KCNH8: variants seen among roughly 807,000 people sequenced by gnomAD.
KCNH8 encodes voltage-gated delayed rectifier potassium channel KCNH8.
KCNH8 carries 70 observed loss-of-function variants against 103.6 expected under a neutral mutation model. The ratio of observed to expected loss-of-function variants is 0.68; its 90% confidence interval spans 0.56 to 0.82. KCNH8 has a LOEUF of 0.82. Among genes scored for constraint, KCNH8 ranks in the 40% least tolerant of loss-of-function variants. KCNH8 has a pLI of 0.00. For synonymous variants in KCNH8, 498 were observed against 489.4 expected (o/e 1.02, Z -0.23); for missense variants, 1,217 against 1,329.9 (o/e 0.92, Z 1.32).
intron 7 of KCNH8, among the ~76,000 whole-genome samples, chr3:19,416,666 A>G (rs1380998610): frequency 1.3e-5 from 2 of 152,152 alleles, no homozygotes; most frequent in Non-Finnish European, 2.9e-5. Flanking sequence ...GAAAATATAC[A>G]GAATTTTGGT....
At chr3:19,521,126 C>T (rs983047011) in intron 15 of KCNH8, among the ~76,000 whole-genome samples, 11 of 151,936 alleles carry the variant, frequency 7.2e-5, no homozygotes, top group Non-Finnish European at 1.5e-4. Flanking sequence ...AAATGCTCCA[C>T]TTCTGAAAAG....
intron 3 of KCNH8, among the ~76,000 whole-genome samples, chr3:19,299,541 C>G (rs1270663443): frequency 6.6e-6 from 1 of 152,016 alleles, no homozygotes; most frequent in Non-Finnish European, 1.5e-5. Flanking sequence ...ATTTTCATTT[C>G]CAAATTAGAG....
intron 14 of KCNH8, among the ~76,000 whole-genome samples, chr3:19,516,271 T>A (rs1308094876): frequency 6.6e-6 from 1 of 152,064 alleles, no homozygotes; most frequent in East Asian, 1.9e-4. Context: ...AAGAAAGACA[T>A]TTGAATATAC....
At chr3:19,337,161 C>T (rs996390269) in intron 3 of KCNH8, among the ~76,000 whole-genome samples, 2 of 152,038 alleles carry the variant, frequency 1.3e-5, no homozygotes, top group African/African-American at 4.8e-5. Flanking sequence ...TCAGCCCTCC[C>T]ACTTACTGTG....
intron 15 of KCNH8, among the ~76,000 whole-genome samples, chr3:19,531,542 TGCCAGCAGTAGG>T (rs1208242885): frequency 2.0e-5 from 3 of 152,246 alleles, no homozygotes; most frequent in Non-Finnish European, 2.9e-5. Context: ...TTGAGTTTCA[TGCCAGCAGTAGG>T]GCAGAAATAG....
chr3:19,326,356 A>AAT (rs34714826), intron 3 of KCNH8, among the ~76,000 whole-genome samples: 14,504 of 135,518 alleles, frequency 0.11, 764 homozygotes, highest in East Asian at 0.14. Context: ...ATGAAAGTTA[A>AAT]ATATATATAT....
intron 11 of KCNH8, among the ~76,000 whole-genome samples, chr3:19,501,721 C>T (rs1040035102): frequency 6.6e-5 from 10 of 152,188 alleles, no homozygotes; most frequent in African/African-American, 2.4e-4. Flanking sequence ...TGACAAAATT[C>T]AACAACCTTC....
intron 5 of KCNH8, 139 bp from the exon 6 acceptor site, chr3:19,390,342 C>G: frequency 1.5e-6 from 1 of 649,774 alleles, no homozygotes; most frequent in South Asian, 2.0e-5. Context: ...TAATTTTCTA[C>G]GATTTTCTTC....
chr3:19,240,901 A>C (rs570614153), intron 1 of KCNH8, among the ~76,000 whole-genome samples: 72 of 152,166 alleles, frequency 4.7e-4, no homozygotes, highest in Non-Finnish European at 8.1e-4. Context: ...AGATATGACC[A>C]CTTCTCACCA....
rs571010230 is a variant in KCNH8, at chr3:19,505,954, C to T, written c.2041-4409C>T. Among the ~76,000 whole-genome samples the T allele has an allele frequency of 3.6e-3, 541 of 152,226 alleles. 2 individuals carry two copies. Among genetic ancestry groups the T allele is most frequent in the African/African-American group, 0.012 (511 of 41,538 alleles). ...GATTCTTTCCTCAGCTTGGTTTATT[C>T]TGCTCTTAATAATTGAGGTTGCATT... On this transcript the variant is annotated intron_variant, in intron 11 of 15. Coordinates refer to ENST00000328405, the MANE Select transcript of KCNH8 (RefSeq NM_144633.3).
At chr3:19,331,741 A>G (rs556093758) in intron 3 of KCNH8, among the ~76,000 whole-genome samples, 4 of 152,328 alleles carry the variant, frequency 2.6e-5, no homozygotes, top group South Asian at 2.1e-4. Context: ...TTGTGTTACA[A>G]ACATTCCAAT....
intron 7 of KCNH8, among the ~76,000 whole-genome samples, chr3:19,434,113 G>A (rs2067161769): frequency 1.3e-5 from 2 of 152,162 alleles, no homozygotes; most frequent in Admixed American, 6.5e-5. Context: ...GAACTTTTGT[G>A]TAAATCTAAA....
At chr3:19,239,220 ATAT>A (rs1293023046) in intron 1 of KCNH8, among the ~76,000 whole-genome samples, 2 of 152,092 alleles carry the variant, frequency 1.3e-5, no homozygotes, top group Admixed American at 1.3e-4. Context: ...CTATTAAATG[ATAT>A]TATCAAAAAT....
At chr3:19,346,978 A>G (rs1458778400) in intron 4 of KCNH8, among the ~76,000 whole-genome samples, 2 of 152,046 alleles carry the variant, frequency 1.3e-5, no homozygotes, top group Non-Finnish European at 2.9e-5. Context: ...GCAGTTATCA[A>G]AAACTCCAGC....
In KCNH8 at chr3:19,238,533, T is replaced by C. The variant is rs777328022; in HGVS notation, c.77-15121T>C. Reference sequence around the variant, plus strand: ...ATTTATTTGCATAGAATAATAACTTTTTATGATTTAATAACCGCATGCTGA... The same window carrying C: ...ATTTATTTGCATAGAATAATAACTTCTTATGATTTAATAACCGCATGCTGA... On this transcript the variant is annotated intron_variant, in intron 1 of 15. Coordinates refer to ENST00000328405, the MANE Select transcript of KCNH8 (RefSeq NM_144633.3). 1.7e-4 allele frequency among the ~76,000 whole-genome samples: 26 copies of C among 152,226 alleles called. 1 individual carries two copies. The highest frequency in any genetic ancestry group is 1.3e-4 in the Admixed American group (2 of 15,284).
At chr3:19,358,702 C>T (rs1381074469) in intron 5 of KCNH8, among the ~76,000 whole-genome samples, 1 of 151,236 alleles carries the variant, frequency 6.6e-6, no homozygotes, top group Non-Finnish European at 1.5e-5. Flanking sequence ...ACATAGAAAC[C>T]AAAATTCTAA....
chr3:19,366,388 C>T (rs905785540), intron 5 of KCNH8, among the ~76,000 whole-genome samples: 21 of 151,948 alleles, frequency 1.4e-4, no homozygotes, highest in African/African-American at 5.1e-4. Flanking sequence ...GGAAAATTGT[C>T]TTAGCATGTG....
At chr3:19,436,347 T>G (rs1222089559) in intron 7 of KCNH8, among the ~76,000 whole-genome samples, 2 of 152,204 alleles carry the variant, frequency 1.3e-5, no homozygotes, top group African/African-American at 2.4e-5. Context: ...AGACATGAGT[T>G]TCTCCAGCAT....
Position 19,524,723 on chromosome 3 carries a change from T to C in KCNH8, c.2619+6649T>C, listed in dbSNP as rs527727236. ...CTTATAGATAGGACTCTTCTCATCT[T>C]TGAATAGAAGGACTAAATGGATATA... On this transcript the variant is annotated intron_variant, in intron 15 of 15. Coordinates refer to ENST00000328405, the MANE Select transcript of KCNH8 (RefSeq NM_144633.3). 1.1e-4 allele frequency among the ~76,000 whole-genome samples: 16 copies of C among 152,056 alleles called. No homozygotes were observed. The South Asian group carries it at 3.3e-3, about 32-fold the overall frequency.
Sources: allele counts gnomAD v4.1 joint callset (sites outside exome capture counted in the v4.1 genomes callset), GRCh38; gene constraint gnomAD v4.1.1; transcripts MANE v1.5; gene names NCBI Gene and HGNC (gene_info 2026-07-23, HGNC 2026-07-21).